CNTNAP2: variants seen among roughly 807,000 people sequenced by gnomAD.
The protein encoded by CNTNAP2 is contactin associated protein 2, also known as contactin-associated protein-like 2.
Under a neutral mutation model 155.2 loss-of-function variants are expected in CNTNAP2, and 98 were observed. The ratio of observed to expected loss-of-function variants is 0.63; its 90% CI spans 0.54 to 0.75. The LOEUF is 0.75. CNTNAP2 is among the 30% of genes least tolerant of loss of function. The probability of loss-of-function intolerance (pLI) is 0.00; values close to 1 mark genes in which losing one functional copy is unlikely to be tolerated. For synonymous variants in CNTNAP2, 651 were observed against 631.2 expected (o/e 1.03, Z -0.47); for missense variants, 1,727 against 1,688.1 (o/e 1.02, Z -0.40).
chr7:147,012,771 G>A (rs551411163), intron 3 of CNTNAP2, among the ~76,000 whole-genome samples: 123 of 152,130 alleles, frequency 8.1e-4, no homozygotes, highest in African/African-American at 2.9e-3. Context: ...GTTTTGATTT[G>A]GATATAAAAC....
At chr7:147,978,398 T>A (rs928965399) in intron 15 of CNTNAP2, among the ~76,000 whole-genome samples, 1 of 152,178 alleles carries the variant, frequency 6.6e-6, no homozygotes, top group Non-Finnish European at 1.5e-5. Flanking sequence ...TGGCTTAATG[T>A]ATCATTGTAA....
At chr7:148,220,359 T>C (rs893568690) in intron 19 of CNTNAP2, among the ~76,000 whole-genome samples, 8 of 152,132 alleles carry the variant, frequency 5.3e-5, no homozygotes, top group African/African-American at 1.9e-4. Context: ...GCCTCGGCCT[T>C]CCAAAGTGCT....
intron 1 of CNTNAP2, among the ~76,000 whole-genome samples, chr7:146,435,604 G>GAGA (rs1796232254): frequency 6.6e-6 from 1 of 152,218 alleles, no homozygotes; most frequent in Admixed American, 6.5e-5. Flanking sequence ...GAAGAGACCA[G>GAGA]TGTTTCGGAG....
intron 4 of CNTNAP2, among the ~76,000 whole-genome samples, chr7:147,084,045 A>T (rs1800213677): frequency 8.0e-6 from 1 of 125,488 alleles, no homozygotes; most frequent in Admixed American, 9.7e-5. Context: ...TATATGCATA[A>T]TGCTATATAT....
Position 147,748,744 on chromosome 7 carries a change from TC to T in CNTNAP2, c.2098+109441del, listed in dbSNP as rs528516593. 1.8e-4 allele frequency among the ~76,000 whole-genome samples: 28 copies of T among 152,272 alleles called. No individual in the cohort carries two copies. In the South Asian group the frequency reaches 3.3e-3, roughly 18 times the overall value. ...AGGGCTCTGATGGGCCCATCTTGGG[TC>T]CCATGCCACTTCCTGGACTAAATAG... On this transcript the variant is annotated intron_variant, in intron 13 of 23. Coordinates refer to ENST00000361727, the MANE Select transcript of CNTNAP2 (RefSeq NM_014141.6).
intron 3 of CNTNAP2, among the ~76,000 whole-genome samples, chr7:146,936,026 A>G (rs1283085745): frequency 6.6e-6 from 1 of 152,182 alleles, no homozygotes; most frequent in African/African-American, 2.4e-5. Flanking sequence ...AACAGAAATG[A>G]CAAGAGCTGA....
intron 15 of CNTNAP2, among the ~76,000 whole-genome samples, chr7:148,047,709 C>G (rs76086155): frequency 6.6e-6 from 1 of 152,194 alleles, no homozygotes; most frequent in African/African-American, 2.4e-5. Context: ...TGTGTGTACA[C>G]GTGTCCTCAA....
At chr7:146,186,310 C>G in intron 1 of CNTNAP2, among the ~76,000 whole-genome samples, 1 of 152,070 alleles carries the variant, frequency 6.6e-6, no homozygotes, top group East Asian at 1.9e-4. Flanking sequence ...GCAACAAAAG[C>G]AACAGAAGGA....
In CNTNAP2 at chr7:148,415,668, A is replaced by G. The variant is rs769435814; in HGVS notation, c.*52A>G. On this transcript the variant is annotated 3_prime_UTR_variant, in exon 24 of 24. Transcript: ENST00000361727. ...GGAGGAGGGAATTACTAGGGAGGAG[A>G]GAAAGGGACAAAAGCACCCTGCTTC... The G allele has an allele frequency of 1.4e-5, 22 of 1,606,770 alleles. No homozygotes were observed. Among genetic ancestry groups the G allele is most frequent in the Non-Finnish European group, 1.9e-5 (22 of 1,174,550 alleles).
chr7:147,132,597 A>G (rs976492311), intron 8 of CNTNAP2, 88 bp downstream of exon 8: 1 of 1,536,534 alleles, frequency 6.5e-7, no homozygotes, highest in Non-Finnish European at 9.0e-7. Flanking sequence ...TGCTGGTGTT[A>G]CACGCTCAGG....
intron 11 of CNTNAP2, among the ~76,000 whole-genome samples, chr7:147,540,284 A>G (rs1328676872): frequency 6.6e-6 from 1 of 151,766 alleles, no homozygotes; most frequent in East Asian, 1.9e-4. Context: ...TCCTTTACAC[A>G]TCTCTTTCCT....
intron 8 of CNTNAP2, among the ~76,000 whole-genome samples, chr7:147,184,497 AT>A (rs2116507490): frequency 6.6e-6 from 1 of 152,340 alleles, no homozygotes; most frequent in African/African-American, 2.4e-5. Flanking sequence ...ATGGCAAAGG[AT>A]TCTTTAAGAC....
At position 147,330,251 on chromosome 7, in the gene CNTNAP2, G is replaced by A. The variant is rs545983840; in HGVS notation, c.1498+29961G>A. ...TCTGAGTTGATGAACACACAGAGGT[G>A]CTAGGTTAGTGGCATCCCCAGAGAA... On this transcript the variant is annotated intron_variant, in intron 9 of 23. Transcript: ENST00000361727. Among the ~76,000 whole-genome samples the A allele has an allele frequency of 1.1e-4, 16 of 152,226 alleles. No homozygotes were observed. The South Asian group carries it at 3.1e-3, about 30-fold the overall frequency.
At chr7:146,663,856 CATTT>C (rs1456857729) in intron 1 of CNTNAP2, among the ~76,000 whole-genome samples, 48 of 151,920 alleles carry the variant, frequency 3.2e-4, no homozygotes, top group Non-Finnish European at 2.6e-4. Context: ...TTTATTTATT[CATTT>C]ATTTATTTAT....
chr7:148,187,143 C>CAA (rs1400670716), intron 18 of CNTNAP2, among the ~76,000 whole-genome samples: 1 of 141,744 alleles, frequency 7.1e-6, no homozygotes, highest in African/African-American at 2.6e-5. Flanking sequence ...CACACACACA[C>CAA]ACACAAACAG....
At chr7:146,887,738 C>G (rs937262308) in intron 3 of CNTNAP2, among the ~76,000 whole-genome samples, 1 of 152,074 alleles carries the variant, frequency 6.6e-6, no homozygotes, top group African/African-American at 2.4e-5. Context: ...GGCTGGCTTC[C>G]TGATATGCTT....
intron 3 of CNTNAP2, among the ~76,000 whole-genome samples, chr7:146,960,908 T>A (rs1797545615): frequency 6.6e-6 from 1 of 152,200 alleles, no homozygotes; most frequent in Admixed American, 6.5e-5. Flanking sequence ...GACCAGTAGT[T>A]CACTGTGTGC....
chr7:147,202,852 A>C (rs199819685), intron 8 of CNTNAP2, among the ~76,000 whole-genome samples: 1 of 43,928 alleles, frequency 2.3e-5, no homozygotes, highest in Non-Finnish European at 6.0e-5. Flanking sequence ...AAGTATAATT[A>C]AAAAAAAATA....
intron 4 of CNTNAP2, among the ~76,000 whole-genome samples, chr7:147,051,203 T>C (rs73740566): frequency 1.4e-4 from 13 of 91,202 alleles, no homozygotes; most frequent in Non-Finnish European, 2.5e-4. Flanking sequence ...TATATATATA[T>C]AAATCATTAA....
Sources: gnomAD v4.1 joint callset for allele counts (sites outside exome capture counted in the v4.1 genomes callset) on GRCh38, gnomAD v4.1.1 for gene constraint, MANE v1.5 for transcripts, NCBI Gene and HGNC (gene_info 2026-07-23, HGNC 2026-07-21) for gene names.